Variants in GLDN observed in about 807,000 individuals in gnomAD.
The protein encoded by GLDN is collomin.
A neutral mutation model predicts 56.5 loss-of-function variants in GLDN; 47 were observed. The ratio of observed to expected loss-of-function variants is 0.83; its 90% CI spans 0.66 to 1.06. The LOEUF is 1.06. GLDN is among the 50% of genes least tolerant of loss of function. The pLI, the probability that GLDN is intolerant of heterozygous loss-of-function variation, is 0.00. For missense variants in GLDN, 782 were observed against 714.3 expected (o/e 1.09, Z -1.08); for synonymous variants, 332 against 278.8 (o/e 1.19, Z -1.90).
intron 1 of GLDN, among the ~76,000 whole-genome samples, chr15:51,357,328 G>A (rs1169468313): frequency 1.3e-5 from 2 of 152,212 alleles, no homozygotes; most frequent in East Asian, 1.9e-4. Flanking sequence ...TCCTTCAATT[G>A]AGAAAAACCT....
At chr15:51,375,977 C>A (rs2037622139) in intron 1 of GLDN, among the ~76,000 whole-genome samples, 2 of 152,178 alleles carry the variant, frequency 1.3e-5, no homozygotes, top group South Asian at 4.1e-4. Context: ...CCCTCGTCAT[C>A]CTCTGTCAGA....
intron 4 of GLDN, among the ~76,000 whole-genome samples, chr15:51,394,430 T>A (rs1396148663): frequency 6.6e-6 from 1 of 152,122 alleles, no homozygotes; most frequent in African/African-American, 2.4e-5. Context: ...CTGGTCAACA[T>A]GGCAAAACCC....
At chr15:51,346,027 G>C (rs1042009487) in intron 1 of GLDN, among the ~76,000 whole-genome samples, 3 of 152,092 alleles carry the variant, frequency 2.0e-5, no homozygotes, top group Admixed American at 1.3e-4. Flanking sequence ...AAAGGGCTGG[G>C]GGACCACTCT....
rs554493679 is a variant in GLDN, at chr15:51,385,939, A to C, written c.541+2047A>C. On this transcript the variant is annotated intron_variant, in intron 4 of 9. Transcript: ENST00000335449. ...CTCAGAGAAAAACGGGGAGGATGTG[A>C]AGTGGAACAGTGCTATGCCTGACAT... Among the ~76,000 whole-genome samples the C allele has an allele frequency of 2.7e-3, 411 of 152,302 alleles. 4 individuals are homozygous for C. The highest frequency in any genetic ancestry group is 4.0e-3 in the Non-Finnish European group (272 of 68,018).
chr15:51,368,154 T>A (rs912162507), intron 1 of GLDN, among the ~76,000 whole-genome samples: 3 of 152,202 alleles, frequency 2.0e-5, no homozygotes, highest in Non-Finnish European at 4.4e-5. Flanking sequence ...TTTGAGCAAG[T>A]AATCAATGCT....
intron 9 of GLDN, 128 bp from the exon 10 acceptor site, chr15:51,404,149 T>C: frequency 1.4e-6 from 1 of 713,508 alleles, no homozygotes; most frequent in Non-Finnish European, 2.4e-6. Context: ...ACCTGGGAGC[T>C]TGTAAGGAAT....
chr15:51,381,163 G>A (rs545494967), intron 2 of GLDN, among the ~76,000 whole-genome samples: 4 of 152,318 alleles, frequency 2.6e-5, no homozygotes, highest in African/African-American at 4.8e-5. Flanking sequence ...CACGGCTAAC[G>A]TGTCCTGAAT....
chr15:51,412,575 C>A (rs572594159), downstream of GLDN, among the ~76,000 whole-genome samples: 347 of 152,280 alleles, frequency 2.3e-3, 3 homozygotes, highest in Non-Finnish European at 3.0e-3. Flanking sequence ...TGCACTCCAG[C>A]TTTCTTTTGG....
At chr15:51,347,014 C>T (rs1338965792) in intron 1 of GLDN, among the ~76,000 whole-genome samples, 1 of 152,066 alleles carries the variant, frequency 6.6e-6, no homozygotes, top group Non-Finnish European at 1.5e-5. Context: ...TGCAGTGAGC[C>T]GAGGTGGCAC....
At chr15:51,353,958 A>C (rs1261218499) in intron 1 of GLDN, among the ~76,000 whole-genome samples, 1 of 152,238 alleles carries the variant, frequency 6.6e-6, no homozygotes, top group Non-Finnish European at 1.5e-5. Context: ...AGCATTTTGC[A>C]GCCCATCCGT....
At chr15:51,360,851 A>G (rs897513139) in intron 1 of GLDN, among the ~76,000 whole-genome samples, 6 of 151,832 alleles carry the variant, frequency 4.0e-5, no homozygotes, top group Admixed American at 3.9e-4. Flanking sequence ...TGGAGGGAGG[A>G]GAGGGCTGAG....
intron 8 of GLDN, among the ~76,000 whole-genome samples, chr15:51,401,127 C>G (rs554654456): frequency 6.9e-4 from 105 of 152,312 alleles, no homozygotes; most frequent in African/African-American, 2.3e-3. Context: ...GCCAGTTATT[C>G]AATTGGGAAC....
At chr15:51,413,073 C>T in the GLDN span, among the ~76,000 whole-genome samples, 2 of 151,874 alleles carry the variant, frequency 1.3e-5, no homozygotes, top group African/African-American at 4.8e-5. Context: ...TTTATCTGTT[C>T]TTTGTTCCCT....
intron 1 of GLDN, among the ~76,000 whole-genome samples, chr15:51,368,459 T>C (rs985389227): frequency 6.6e-6 from 1 of 151,770 alleles, no homozygotes; most frequent in Admixed American, 6.6e-5. Context: ...AGGCCGCTGA[T>C]GTGGGATGGC....
At chr15:51,344,358 G>C (rs2036940519) in intron 1 of GLDN, among the ~76,000 whole-genome samples, 1 of 152,178 alleles carries the variant, frequency 6.6e-6, no homozygotes, top group Non-Finnish European at 1.5e-5. Context: ...TTCAGGACGA[G>C]GAGCCAATTT....
rs909874321 is a variant in GLDN, at chr15:51,356,080, G to A, written c.363+14033G>A. ...AGATTAGCCGGGCGTGGTGGTGCGT[G>A]CCCGTGGTCCCAGCCACTCCAGAGG... On this transcript the variant is annotated intron_variant, in intron 1 of 9. Transcript: ENST00000335449. 9.9e-5 allele frequency among the ~76,000 whole-genome samples: 15 copies of A among 151,800 alleles called. No individual in the cohort carries two copies. In the East Asian group the frequency reaches 9.9e-4, roughly 10 times the overall value.
chr15:51,393,242 G>A (rs1457902025), intron 4 of GLDN, among the ~76,000 whole-genome samples: 2 of 152,128 alleles, frequency 1.3e-5, no homozygotes, highest in African/African-American at 4.8e-5. Flanking sequence ...TCAAATTTTG[G>A]ACTCTCAGCA....
chr15:51,369,089 G>A (rs1301022835), intron 1 of GLDN: 2 of 152,224 alleles, frequency 1.3e-5, no homozygotes, highest in South Asian at 4.1e-4. Flanking sequence ...TCCCAGAAAT[G>A]AGTCCAGGGT....
At chr15:51,390,623 C>T (rs1215310530) in intron 4 of GLDN, among the ~76,000 whole-genome samples, 1 of 152,178 alleles carries the variant, frequency 6.6e-6, no homozygotes, top group South Asian at 2.1e-4. Flanking sequence ...TCTCTGGCCC[C>T]TTTCCCCCGC....
Sources: allele counts gnomAD v4.1 joint callset (sites outside exome capture counted in the v4.1 genomes callset), GRCh38; gene constraint gnomAD v4.1.1; transcripts MANE v1.5; gene names NCBI Gene and HGNC (gene_info 2026-07-23, HGNC 2026-07-21).